The following RNF144A variants were observed in gnomAD, a reference collection of about 807,000 sequenced individuals.
RNF144A encodes E3 ubiquitin-protein ligase RNF144A.
Under a neutral mutation model 38.7 loss-of-function variants are expected in RNF144A, and 11 were observed. The observed-to-expected ratio is 0.28, with a 90% confidence interval of 0.18 to 0.47. The LOEUF is 0.47. Among genes scored for constraint, RNF144A ranks in the 20% least tolerant of loss-of-function variants. The pLI is 0.99. For missense variants in RNF144A, 316 were observed against 377.2 expected (o/e 0.84, Z 1.34); for synonymous variants, 149 against 143.9 (o/e 1.04, Z -0.25).
intron 2 of RNF144A, among the ~76,000 whole-genome samples, chr2:6,994,363 G>C (rs546923607): frequency 1.3e-5 from 2 of 152,070 alleles, no homozygotes; most frequent in African/African-American, 2.4e-5. Context: ...TAATTATCAT[G>C]TTGTCCAGTG....
intron 2 of RNF144A, among the ~76,000 whole-genome samples, chr2:6,983,133 A>C (rs1465651656): frequency 6.6e-6 from 1 of 152,178 alleles, no homozygotes; most frequent in Admixed American, 6.5e-5. Context: ...GTCAGATGTT[A>C]CTGCTTCCTT....
At chr2:7,038,071 G>C (rs951164123) in intron 8 of RNF144A, among the ~76,000 whole-genome samples, 1 of 152,340 alleles carries the variant, frequency 6.6e-6, no homozygotes, top group African/African-American at 2.4e-5. Context: ...TGCATTTGAG[G>C]CTTATTTCTT....
chr2:6,966,888 C>A (rs988928991), intron 2 of RNF144A, among the ~76,000 whole-genome samples: 2 of 152,144 alleles, frequency 1.3e-5, no homozygotes, highest in African/African-American at 4.8e-5. Context: ...ATATATATAT[C>A]CTGGCCACTT....
At position 6,942,427 on chromosome 2, in the gene RNF144A, T is replaced by C. The variant is rs900303609; in HGVS notation, c.-12+1280T>C. Among the ~76,000 whole-genome samples the C allele has an allele frequency of 8.5e-5, 13 of 152,194 alleles. No homozygotes were observed. The East Asian group carries it at 9.6e-4, about 11-fold the overall frequency. The stretch of plus-strand genomic sequence containing the variant: ...ACCCAGGAGACCATCTCAGAGGTCA[T>C]TGGAGAATTTTACTTTAGTAATCCA... On this transcript the variant is annotated intron_variant, in intron 2 of 8. Transcript: ENST00000320892.
intron 2 of RNF144A, among the ~76,000 whole-genome samples, chr2:6,984,851 T>G (rs767651404): frequency 6.6e-6 from 1 of 152,214 alleles, no homozygotes; most frequent in Non-Finnish European, 1.5e-5. Flanking sequence ...TTTTCCTTTC[T>G]TTGTTATTTT....
rs546093402 is a variant in RNF144A, at chr2:7,035,981, C to A, written c.748-3648C>A. ...CTGTTAAAGTAAATGAGCATGAAAA[C>A]CAGCAGAGTGGCCGCGAATGCAAGA... On this transcript the variant is annotated intron_variant, in intron 8 of 8. Transcript: ENST00000320892. Among the ~76,000 whole-genome samples, 69 of 152,298 alleles carry A rather than the reference C, an allele frequency of 4.5e-4. No homozygotes were observed. In the South Asian group the frequency reaches 4.6e-3, roughly 10 times the overall value.
Position 6,917,454 on chromosome 2 carries a change from C to A in RNF144A, c.-380C>A, listed in dbSNP as rs1366737769. 11 of 146,978 alleles carry A rather than the reference C, an allele frequency of 7.5e-5. No homozygotes were observed. The highest frequency in any genetic ancestry group is 2.4e-4 in the African/African-American group (10 of 40,910). The allele number at this position is 146,978 out of a possible 1,614,324, so 9.1% of individuals were successfully genotyped here. A position where few individuals can be genotyped will look rare whatever the true frequency, so the allele number is the denominator to read the frequency against. On this transcript the variant is annotated 5_prime_UTR_variant, in exon 1 of 9. Transcript: ENST00000320892. The surrounding 1 kb of genome is among the most constrained non-coding windows in gnomAD (Gnocchi z 4.8). ...CCCCGCCCGCGCAGCCGCTTCTCCC[C>A]GCGCGGGCTCTCGGCAGGCGGGAGG...
At chr2:7,033,985 G>C (rs953124504) in intron 8 of RNF144A, among the ~76,000 whole-genome samples, 1 of 152,204 alleles carries the variant, frequency 6.6e-6, no homozygotes, top group Non-Finnish European at 1.5e-5. Context: ...CAGGGGCCGG[G>C]CAGGGAGCAA....
chr2:7,051,973 C>G (rs1370783705), intron 6 of RNF144A, among the ~76,000 whole-genome samples: 1 of 152,158 alleles, frequency 6.6e-6, no homozygotes, highest in Non-Finnish European at 1.5e-5. Context: ...CACCCTCACC[C>G]AGGTATGCCC....
Position 7,031,658 on chromosome 2 carries a change from G to A in RNF144A, c.747+1443G>A, listed in dbSNP as rs139547676. Among the ~76,000 whole-genome samples, 831 of 152,368 alleles carry A rather than the reference G, an allele frequency of 5.5e-3. 5 individuals carry two copies. The highest frequency in any genetic ancestry group is 0.019 in the African/African-American group (775 of 41,594). On this transcript the variant is annotated intron_variant, in intron 8 of 8. Transcript: ENST00000320892. The stretch of plus-strand genomic sequence containing the variant: ...ATGTGTCAGCCTCATCTAAAAGATG[G>A]AGAAACTCAGTCTCAAGGCAGTTGC...
chr2:7,036,931 A>G (rs1374817601), intron 8 of RNF144A, among the ~76,000 whole-genome samples: 1 of 152,162 alleles, frequency 6.6e-6, no homozygotes. Flanking sequence ...GGGAACTTAG[A>G]ATGGTTTGCA....
At chr2:6,974,480 A>T (rs919394365) in intron 2 of RNF144A, among the ~76,000 whole-genome samples, 7 of 152,230 alleles carry the variant, frequency 4.6e-5, no homozygotes, top group African/African-American at 1.7e-4. Context: ...TAAGTGGCTT[A>T]TAAGTTGGTG....
downstream of RNF144A, among the ~76,000 whole-genome samples, chr2:7,070,772 A>T (rs1674445841): frequency 6.6e-6 from 1 of 152,146 alleles, no homozygotes; most frequent in African/African-American, 2.4e-5. Context: ...AAGCCAAAAA[A>T]GTTCCGCGAT....
At chr2:6,996,750 C>CT in intron 2 of RNF144A, 166 bp from the exon 3 acceptor site, 1 of 619,674 alleles carries the variant, frequency 1.6e-6, no homozygotes, top group Non-Finnish European at 2.7e-6. Context: ...GAGACTCCAT[C>CT]TCAAAAAAAA....
At chr2:6,992,080 G>A (rs950206062) in intron 2 of RNF144A, among the ~76,000 whole-genome samples, 4 of 152,222 alleles carry the variant, frequency 2.6e-5, no homozygotes, top group Non-Finnish European at 5.9e-5. Flanking sequence ...AGACAGGACA[G>A]CTGAGTTTTG....
At chr2:7,052,469 C>T (rs1044894662) in intron 6 of RNF144A, among the ~76,000 whole-genome samples, 1 of 152,196 alleles carries the variant, frequency 6.6e-6, no homozygotes, top group African/African-American at 2.4e-5. Flanking sequence ...GTCCTGTGGC[C>T]TCCAAGGATG....
At chr2:7,054,531 CAA>C (rs1673654009) in intron 6 of RNF144A, among the ~76,000 whole-genome samples, 2 of 152,160 alleles carry the variant, frequency 1.3e-5, no homozygotes, top group Non-Finnish European at 2.9e-5. Context: ...AATCTGTTGC[CAA>C]ATCCCTCATA....
At chr2:6,938,277 C>T (rs1186114312) in intron 1 of RNF144A, among the ~76,000 whole-genome samples, 15 of 105,102 alleles carry the variant, frequency 1.4e-4, no homozygotes, top group South Asian at 3.5e-4. Flanking sequence ...GATGGAGTTT[C>T]GCTCTTGTTG....
At chr2:7,070,776 C>G (rs554847975), downstream of RNF144A, among the ~76,000 whole-genome samples, 2 of 152,094 alleles carry the variant, frequency 1.3e-5, no homozygotes, top group African/African-American at 2.4e-5. Context: ...CAAAAAAGTT[C>G]CGCGATTGCC....
Sources: allele counts gnomAD v4.1 joint callset (sites outside exome capture counted in the v4.1 genomes callset), GRCh38; gene constraint gnomAD v4.1.1; non-coding constraint Gnocchi (gnomAD v3.1); transcripts MANE v1.5; gene names NCBI Gene and HGNC (gene_info 2026-07-23, HGNC 2026-07-21).